GABBR2: variants seen among roughly 807,000 people sequenced by gnomAD.
GABBR2 encodes gamma-aminobutyric acid type B receptor subunit 2, also known as G-protein coupled receptor 51.
A neutral mutation model predicts 105.6 loss-of-function variants in GABBR2; 23 were observed. That is an observed-to-expected ratio of 0.22 (90% confidence interval 0.16 to 0.31). The LOEUF is 0.31. Ranked by LOEUF, GABBR2 falls within the 10% of genes least tolerant of loss-of-function variation. The pLI is 1.00. For synonymous variants in GABBR2, 478 were observed against 499.7 expected (o/e 0.96, Z 0.58); for missense variants, 734 against 1,245.5 (o/e 0.59, Z 6.18).
intron 5 of GABBR2, among the ~76,000 whole-genome samples, chr9:98,477,554 A>G (rs943625752): frequency 6.6e-6 from 1 of 152,296 alleles, no homozygotes; most frequent in Middle Eastern, 3.4e-3. Flanking sequence ...TGCATCTGGT[A>G]GAAATGTGGT....
At chr9:98,599,808 C>T (rs1829298658) in intron 1 of GABBR2, among the ~76,000 whole-genome samples, 2 of 152,196 alleles carry the variant, frequency 1.3e-5, no homozygotes, top group Admixed American at 6.5e-5. Context: ...GGGGACAGCA[C>T]AGTGTCTGAA....
At chr9:98,534,838 A>G (rs939294988) in intron 3 of GABBR2, among the ~76,000 whole-genome samples, 1 of 152,250 alleles carries the variant, frequency 6.6e-6, no homozygotes, top group African/African-American at 2.4e-5. Context: ...AACATGAAAC[A>G]TACCCTTACC....
intron 7 of GABBR2, among the ~76,000 whole-genome samples, chr9:98,407,858 G>A (rs1316850835): frequency 1.3e-5 from 2 of 152,174 alleles, no homozygotes. Context: ...CACCTTTGAA[G>A]CAAGATCTGT....
chr9:98,608,685 G>A (rs1285081327), intron 1 of GABBR2, among the ~76,000 whole-genome samples: 1 of 152,116 alleles, frequency 6.6e-6, no homozygotes, highest in Non-Finnish European at 1.5e-5. Context: ...TGCACCTAGA[G>A]CTTTTTTATA....
In GABBR2 at chr9:98,362,803, C is replaced by G. The variant is rs1554695160; in HGVS notation, c.1805G>C (p.Gly602Ala). Residue 602 changes from glycine to alanine, a missense_variant, in exon 13 of 19, where the codon GGG (glycine) becomes GCG (alanine). By Grantham distance (60) the Gly-to-Ala change is moderately conservative. This residue lies in a region of GABBR2 where 52 missense variants were observed against 81.3 expected (regional missense o/e 0.64). Coordinates refer to ENST00000259455, the MANE Select transcript of GABBR2 (RefSeq NM_005458.8). ...IKDQKLLVIV[G>A]GMLLIDLCIL... ...ACACAGGTCGATCAGCAGCATGCCC[C>G]CCACGATCACAAGCAGTTTCTGGTC... 1.3e-6 allele frequency: 2 copies of G among 1,597,616 alleles called. No individual in the cohort carries two copies. Among genetic ancestry groups the G allele is most frequent in the Non-Finnish European group, 1.7e-6 (2 of 1,172,616 alleles).
intron 3 of GABBR2, among the ~76,000 whole-genome samples, chr9:98,512,966 G>C (rs1414754035): frequency 4.6e-5 from 7 of 151,442 alleles, no homozygotes; most frequent in African/African-American, 1.7e-4. Context: ...TAAGCCAAAA[G>C]AACAAAGCTG....
chr9:98,420,638 T>A (rs1832766619), intron 7 of GABBR2, among the ~76,000 whole-genome samples: 2 of 152,148 alleles, frequency 1.3e-5, no homozygotes, highest in African/African-American at 4.8e-5. Flanking sequence ...GTGCCCTGAT[T>A]GGCAGAGGGC....
intron 13 of GABBR2, among the ~76,000 whole-genome samples, chr9:98,337,136 C>G (rs894222275): frequency 9.2e-5 from 14 of 152,022 alleles, no homozygotes; most frequent in Non-Finnish European, 1.9e-4. Flanking sequence ...GAAACCCTGT[C>G]TCTACTAAAA....
Position 98,344,288 on chromosome 9 carries a change from G to A in GABBR2, c.1893+18427C>T, listed in dbSNP as rs573512396. Among the ~76,000 whole-genome samples, 70 of 152,214 alleles carry A rather than the reference G, an allele frequency of 4.6e-4. 2 individuals carry two copies. Among genetic ancestry groups the A allele is most frequent in the South Asian group, 4.1e-3 (20 of 4,820 alleles). On this transcript the variant is annotated intron_variant, in intron 13 of 18. Coordinates refer to ENST00000259455, the MANE Select transcript of GABBR2 (RefSeq NM_005458.8). Reference sequence around the variant, plus strand: ...TCCGTATGTCCAACACCTACTCACCGTCACCACAAGTAGAGTAGGTGCTCA... The same window carrying A: ...TCCGTATGTCCAACACCTACTCACCATCACCACAAGTAGAGTAGGTGCTCA...
chr9:98,601,062 G>A (rs1829324188), intron 1 of GABBR2, among the ~76,000 whole-genome samples: 1 of 152,322 alleles, frequency 6.6e-6, no homozygotes, highest in South Asian at 2.1e-4. Context: ...AAACAGGACT[G>A]ACCACTTCCA....
chr9:98,328,399 C>T (rs1328775019), intron 13 of GABBR2, among the ~76,000 whole-genome samples: 3 of 152,074 alleles, frequency 2.0e-5, no homozygotes, highest in East Asian at 3.9e-4. Flanking sequence ...GATGATTGTG[C>T]GACTAATTGA....
chr9:98,501,362 G>A (rs947951585), intron 3 of GABBR2, among the ~76,000 whole-genome samples: 14 of 152,100 alleles, frequency 9.2e-5, no homozygotes, highest in African/African-American at 2.7e-4. Context: ...ACGGGGTTTC[G>A]CCATGTTGGC....
intron 3 of GABBR2, among the ~76,000 whole-genome samples, chr9:98,500,532 G>A (rs1827376909): frequency 6.6e-6 from 1 of 152,226 alleles, no homozygotes; most frequent in Non-Finnish European, 1.5e-5. Flanking sequence ...AAAGGCCAGG[G>A]CCTCTGGGGC....
intron 6 of GABBR2, among the ~76,000 whole-genome samples, chr9:98,467,845 G>A (rs1271211464): frequency 6.6e-6 from 1 of 152,250 alleles, no homozygotes; most frequent in Non-Finnish European, 1.5e-5. Context: ...CTCAGCAGGG[G>A]CACAATAACA....
intron 15 of GABBR2, among the ~76,000 whole-genome samples, chr9:98,305,666 T>C (rs1830539629): frequency 6.6e-6 from 1 of 152,054 alleles, no homozygotes; most frequent in South Asian, 2.1e-4. Flanking sequence ...AATTTAAAAA[T>C]TAGCCAGGCG....
At chr9:98,574,995 A>T (rs569586167) in intron 2 of GABBR2, among the ~76,000 whole-genome samples, 5 of 152,292 alleles carry the variant, frequency 3.3e-5, no homozygotes, top group African/African-American at 1.2e-4. Context: ...GAAGACTGTG[A>T]AATGATAGGC....
intron 1 of GABBR2, among the ~76,000 whole-genome samples, chr9:98,623,214 C>G (rs184070824): frequency 6.6e-6 from 1 of 152,304 alleles, no homozygotes; most frequent in African/African-American, 2.4e-5. Context: ...TGCTTGAATG[C>G]AGGAGTTCAA....
At position 98,602,868 on chromosome 9, in the gene GABBR2, G is replaced by A. The variant is rs532022673; in HGVS notation, c.322-24796C>T. ...GTGGGGCCATAGTCTGTACTGGAGA[G>A]TCCAGTATGCTACAGGCAGGAGCAG... On this transcript the variant is annotated intron_variant, in intron 1 of 18. Coordinates refer to ENST00000259455, the MANE Select transcript of GABBR2 (RefSeq NM_005458.8). Among the ~76,000 whole-genome samples the A allele has an allele frequency of 4.6e-5, 7 of 152,336 alleles. No individual in the cohort carries two copies. In the South Asian group the frequency reaches 1.5e-3, roughly 32 times the overall value.
chr9:98,675,954 A>T lies in GABBR2; in HGVS notation c.321+32463T>A, dbSNP rs146333410. Among the ~76,000 whole-genome samples the T allele has an allele frequency of 2.1e-3, 326 of 152,240 alleles. 4 individuals carry two copies. The highest frequency in any genetic ancestry group is 6.8e-3 in the African/African-American group (284 of 41,538). Reference sequence around the variant, plus strand: ...TCTTTTAGTAATAAAACCTCTTCTCACCTGTAATAGATAGAACAAAGCACA... The same window carrying T: ...TCTTTTAGTAATAAAACCTCTTCTCTCCTGTAATAGATAGAACAAAGCACA... On this transcript the variant is annotated intron_variant, in intron 1 of 18. Transcript: ENST00000259455.
Sources: gnomAD v4.1 joint callset for allele counts (sites outside exome capture counted in the v4.1 genomes callset) on GRCh38, gnomAD v4.1.1 for gene constraint, gnomAD v4.1.1 regional missense constraint, MANE v1.5 for transcripts, NCBI Gene and HGNC (gene_info 2026-07-23, HGNC 2026-07-21) for gene names.